Variants in CTNND2 observed in about 807,000 individuals in gnomAD.
CTNND2 encodes catenin delta 2.
In CTNND2, 22 loss-of-function variants were observed where a neutral mutation model predicts 144.4. The ratio of observed to expected loss-of-function variants is 0.15; its 90% confidence interval spans 0.11 to 0.22. The LOEUF is 0.22. Among genes scored for constraint, CTNND2 ranks in the 10% least tolerant of loss-of-function variants. CTNND2 has a pLI of 1.00. For synonymous variants in CTNND2, 751 were observed against 695.6 expected (o/e 1.08, Z -1.25); for missense variants, 1,353 against 1,618.8 (o/e 0.84, Z 2.82).
chr5:11,687,555 C>G (rs1784711715), intron 2 of CTNND2, among the ~76,000 whole-genome samples: 1 of 152,202 alleles, frequency 6.6e-6, no homozygotes, highest in South Asian at 2.1e-4. Flanking sequence ...GAGGAGGTAG[C>G]TGGACCTAAA....
chr5:11,865,719 T>A lies in CTNND2; in HGVS notation c.37+38098A>T, dbSNP rs201632815. 4.6e-5 allele frequency among the ~76,000 whole-genome samples: 7 copies of A among 151,992 alleles called. No individual in the cohort carries two copies. The East Asian group carries it at 1.3e-3, about 29-fold the overall frequency. On this transcript the variant is annotated intron_variant, in intron 1 of 21. Transcript: ENST00000304623. ...TCAGCTGAATTTAAAATTGGGAGAT[T>A]ACCCTGGATTATTGAGGTGGGCTTA...
intron 2 of CTNND2, among the ~76,000 whole-genome samples, chr5:11,637,932 G>T (rs988514560): frequency 6.6e-6 from 1 of 152,074 alleles, no homozygotes; most frequent in Non-Finnish European, 1.5e-5. Context: ...ATCCCCTTAA[G>T]AAAACGAATA....
At chr5:11,398,219 C>T (rs1290809585) in intron 5 of CTNND2, among the ~76,000 whole-genome samples, 2 of 152,156 alleles carry the variant, frequency 1.3e-5, no homozygotes, top group African/African-American at 4.8e-5. Flanking sequence ...ACCATTAAAT[C>T]ATTCTTGATC....
intron 12 of CTNND2, among the ~76,000 whole-genome samples, chr5:11,138,753 C>G (rs1036855080): frequency 6.6e-6 from 1 of 152,172 alleles, no homozygotes; most frequent in South Asian, 2.1e-4. Flanking sequence ...AGGAGCTACA[C>G]AACAGGACCA....
chr5:11,823,425 T>C lies in CTNND2; in HGVS notation c.37+80392A>G, dbSNP rs1561835202. The stretch of plus-strand genomic sequence containing the variant: ...AAGAAAATGTCTCAGTATTTATTTT[T>C]TAGCTTGATTCTGAAAGTGTAACAG... On this transcript the variant is annotated intron_variant, in intron 1 of 21. Transcript: ENST00000304623. Among the ~76,000 whole-genome samples the C allele has an allele frequency of 2.0e-5, 3 of 152,218 alleles. No homozygotes were observed. In the South Asian group the frequency reaches 6.2e-4, roughly 31 times the overall value.
chr5:11,720,050 A>G (rs1786579401), intron 2 of CTNND2, among the ~76,000 whole-genome samples: 1 of 152,216 alleles, frequency 6.6e-6, no homozygotes, highest in South Asian at 2.1e-4. Flanking sequence ...ACATTTACTG[A>G]CAAGCGATGG....
At chr5:11,379,683 C>T (rs150137489) in intron 7 of CTNND2, among the ~76,000 whole-genome samples, 1 of 152,248 alleles carries the variant, frequency 6.6e-6, no homozygotes, top group African/African-American at 2.4e-5. Flanking sequence ...CATTTCAAAG[C>T]AAACGGGAAA....
chr5:10,994,257 G>T (rs1333874792), intron 18 of CTNND2, among the ~76,000 whole-genome samples: 2 of 97,066 alleles, frequency 2.1e-5, no homozygotes, highest in East Asian at 2.9e-4. Context: ...GGAGCGGGGT[G>T]GGGGGAGATG....
At chr5:11,862,079 T>A (rs1382796697) in intron 1 of CTNND2, among the ~76,000 whole-genome samples, 1 of 152,222 alleles carries the variant, frequency 6.6e-6, no homozygotes, top group African/African-American at 2.4e-5. Context: ...TAATCTATAC[T>A]CAAATTGGGT....
At chr5:11,332,983 G>C (rs1753334238) in intron 9 of CTNND2, among the ~76,000 whole-genome samples, 1 of 152,212 alleles carries the variant, frequency 6.6e-6, no homozygotes, top group Admixed American at 6.5e-5. Flanking sequence ...CCAGCCACGT[G>C]GAACTGAGTC....
chr5:11,271,855 A>G (rs1746051056), intron 9 of CTNND2, among the ~76,000 whole-genome samples: 1 of 152,156 alleles, frequency 6.6e-6, no homozygotes, highest in Non-Finnish European at 1.5e-5. Flanking sequence ...GCTTCATCTC[A>G]CTTAACATAA....
intron 9 of CTNND2, among the ~76,000 whole-genome samples, chr5:11,312,829 A>G (rs1290106300): frequency 6.6e-6 from 1 of 151,146 alleles, no homozygotes; most frequent in African/African-American, 2.4e-5. Flanking sequence ...TCCTTTTCAC[A>G]TATCTGTATA....
chr5:11,046,121 T>C lies in CTNND2; in HGVS notation c.2789-23142A>G, dbSNP rs185057878. Among the ~76,000 whole-genome samples, 207 of 152,240 alleles carry C rather than the reference T, an allele frequency of 1.4e-3. 1 individual carries two copies. Among genetic ancestry groups the C allele is most frequent in the African/African-American group, 4.8e-3 (199 of 41,532 alleles). On this transcript the variant is annotated intron_variant, in intron 16 of 21. Transcript: ENST00000304623. ...CACCAAAATTCTTATGTTGATATCCTAACCCCCAGTCCCTCAGAATGCGGC... is the reference window on the plus strand; with the variant it reads ...CACCAAAATTCTTATGTTGATATCCCAACCCCCAGTCCCTCAGAATGCGGC...
At chr5:11,668,042 T>A (rs1394140974) in intron 2 of CTNND2, among the ~76,000 whole-genome samples, 2 of 152,234 alleles carry the variant, frequency 1.3e-5, no homozygotes, top group Admixed American at 1.3e-4. Flanking sequence ...CATTGCTTGA[T>A]TTTGTCAGGT....
At chr5:11,632,999 C>A (rs1473943698) in intron 2 of CTNND2, among the ~76,000 whole-genome samples, 1 of 152,058 alleles carries the variant, frequency 6.6e-6, no homozygotes, top group East Asian at 1.9e-4. Flanking sequence ...CAGAGAAGTG[C>A]AGGACACTAT....
At chr5:11,325,215 G>T (rs937300293) in intron 9 of CTNND2, among the ~76,000 whole-genome samples, 3 of 151,898 alleles carry the variant, frequency 2.0e-5, no homozygotes, top group Non-Finnish European at 4.4e-5. Flanking sequence ...GAATTTCCAT[G>T]GTTTTTCCCT....
chr5:11,061,785 T>C (rs1747016081), intron 16 of CTNND2, among the ~76,000 whole-genome samples: 1 of 152,156 alleles, frequency 6.6e-6, no homozygotes, highest in South Asian at 2.1e-4. Flanking sequence ...CTCGGCTCAC[T>C]GCAGCCTCCT....
chr5:11,407,844 T>C (rs1417136221), intron 5 of CTNND2, among the ~76,000 whole-genome samples: 2 of 150,402 alleles, frequency 1.3e-5, no homozygotes, highest in Non-Finnish European at 3.0e-5. Flanking sequence ...GCTATGTTTC[T>C]ATACGGGAGA....
At chr5:11,656,452 C>A (rs1179701932) in intron 2 of CTNND2, among the ~76,000 whole-genome samples, 1 of 151,880 alleles carries the variant, frequency 6.6e-6, no homozygotes, top group African/African-American at 2.4e-5. Context: ...GAACCAGAGT[C>A]ACTATGCAAC....
Sources: gnomAD v4.1 joint callset for allele counts (sites outside exome capture counted in the v4.1 genomes callset) on GRCh38, gnomAD v4.1.1 for gene constraint, MANE v1.5 for transcripts, NCBI Gene and HGNC (gene_info 2026-07-23, HGNC 2026-07-21) for gene names.